The following TUSC3 variants were observed in gnomAD, a reference collection of about 807,000 sequenced individuals.
TUSC3 encodes the protein dolichyl-diphosphooligosaccharide--protein glycosyltransferase subunit TUSC3.
A neutral mutation model predicts 44.8 loss-of-function variants in TUSC3; 45 were observed. The ratio of observed to expected loss-of-function variants is 1.00; its 90% CI spans 0.79 to 1.29. The LOEUF is 1.29. Ranked by LOEUF, TUSC3 falls within the 50% of genes most tolerant of loss-of-function variation. The pLI is 0.00. For missense variants in TUSC3, 519 were observed against 437.9 expected (o/e 1.19, Z -1.65); for synonymous variants, 212 against 152.9 (o/e 1.39, Z -2.85).
chr8:15,588,449 C>G (rs1049008261), intron 1 of TUSC3, among the ~76,000 whole-genome samples: 2 of 152,038 alleles, frequency 1.3e-5, no homozygotes, highest in Non-Finnish European at 2.9e-5. Context: ...CTTGTATATT[C>G]TGGATATTCG....
At chr8:15,492,512 C>T (rs914848692) in intron 2 of TUSC3, among the ~76,000 whole-genome samples, 2 of 151,964 alleles carry the variant, frequency 1.3e-5, no homozygotes, top group African/African-American at 4.8e-5. Flanking sequence ...TTAAGACTGC[C>T]CCAAGACTGA....
chr8:15,524,888 T>G (rs925555528), intron 2 of TUSC3, among the ~76,000 whole-genome samples: 1 of 152,198 alleles, frequency 6.6e-6, no homozygotes, highest in Non-Finnish European at 1.5e-5. Flanking sequence ...ACACTGTCAC[T>G]CTTCTGTAAC....
chr8:15,629,307 T>C (rs1805653210), intron 2 of TUSC3, among the ~76,000 whole-genome samples: 1 of 152,190 alleles, frequency 6.6e-6, no homozygotes, highest in South Asian at 2.1e-4. Context: ...TGTTAAGTAA[T>C]TGTGGTAGAG....
In TUSC3 at chr8:15,489,784, G is replaced by A. The variant is rs546905597; in HGVS notation, n.189+6301G>A. 2.4e-4 allele frequency among the ~76,000 whole-genome samples: 36 copies of A among 152,266 alleles called. No individual in the cohort carries two copies. In the South Asian group the frequency reaches 2.9e-3, roughly 12 times the overall value. On this transcript the variant is annotated intron_variant and non_coding_transcript_variant, in intron 2 of 5. Transcript: ENST00000503191. The stretch of plus-strand genomic sequence containing the variant: ...GCATGTCTGACCCTCTCTTCCCATC[G>A]TGGCCTAAAATAGTTTTTCAGGTTT...
At chr8:15,766,908 G>A (rs983003757), downstream of TUSC3, among the ~76,000 whole-genome samples, 17 of 152,020 alleles carry the variant, frequency 1.1e-4, no homozygotes, top group Non-Finnish European at 2.2e-4. Flanking sequence ...TGGTCACTGG[G>A]GCGAACACAT....
At chr8:15,648,619 G>A (rs554591483) in intron 2 of TUSC3, among the ~76,000 whole-genome samples, 1 of 150,226 alleles carries the variant, frequency 6.7e-6, no homozygotes, top group Non-Finnish European at 1.5e-5. Context: ...CCAGCTACTC[G>A]GGAGGCTGAG....
chr8:15,662,793 G>C (rs141455429), intron 5 of TUSC3, among the ~76,000 whole-genome samples: 83 of 152,090 alleles, frequency 5.5e-4, no homozygotes, highest in African/African-American at 1.9e-3. Context: ...GTAAGGTTAT[G>C]TGTGCTATGA....
At chr8:15,473,856 A>C (rs1307253798) in intron 1 of TUSC3, among the ~76,000 whole-genome samples, 1 of 152,184 alleles carries the variant, frequency 6.6e-6, no homozygotes, top group Non-Finnish European at 1.5e-5. Flanking sequence ...CTTGATAAAC[A>C]TCTTAAACAA....
At chr8:15,731,026 TC>T (rs1319227089) in intron 7 of TUSC3, among the ~76,000 whole-genome samples, 1 of 152,066 alleles carries the variant, frequency 6.6e-6, no homozygotes, top group Non-Finnish European at 1.5e-5. Flanking sequence ...ATATGGCTTT[TC>T]CGTATAGCAT....
At chr8:15,640,307 A>G (rs953718660) in intron 2 of TUSC3, among the ~76,000 whole-genome samples, 1 of 152,060 alleles carries the variant, frequency 6.6e-6, no homozygotes, top group African/African-American at 2.4e-5. Context: ...ACTGTTGGAA[A>G]CTTATCTGGT....
At chr8:15,787,554 C>G in the TUSC3 span, among the ~76,000 whole-genome samples, 1 of 152,088 alleles carries the variant, frequency 6.6e-6, no homozygotes, top group Admixed American at 6.6e-5. Context: ...AATAATAAGA[C>G]CAGTACCAGT....
intron 5 of TUSC3, among the ~76,000 whole-genome samples, chr8:15,671,056 A>T (rs538915411): frequency 6.6e-6 from 1 of 152,112 alleles, no homozygotes; most frequent in East Asian, 1.9e-4. Context: ...AAAGATGGAT[A>T]TCAAGTGGAT....
intron 1 of TUSC3, among the ~76,000 whole-genome samples, chr8:15,459,940 A>G (rs1218573671): frequency 6.6e-6 from 1 of 151,966 alleles, no homozygotes; most frequent in Non-Finnish European, 1.5e-5. Context: ...TCATTGATTG[A>G]TGGGCATTTG....
intron 2 of TUSC3, among the ~76,000 whole-genome samples, chr8:15,634,391 A>G (rs997346181): frequency 2.6e-5 from 4 of 152,164 alleles, no homozygotes; most frequent in Admixed American, 1.3e-4. Flanking sequence ...TTTATTGACT[A>G]TGCCACTAGC....
At chr8:15,549,981 C>A (rs1411256365) in intron 1 of TUSC3, among the ~76,000 whole-genome samples, 9 of 151,788 alleles carry the variant, frequency 5.9e-5, no homozygotes, top group African/African-American at 2.2e-4. Context: ...CCTTTAAGGG[C>A]TTACAACTCT....
At chr8:15,820,714 T>C in the TUSC3 span, among the ~76,000 whole-genome samples, 1 of 152,190 alleles carries the variant, frequency 6.6e-6, no homozygotes, top group Admixed American at 6.5e-5. Flanking sequence ...ACTCTTCCTA[T>C]TTTCTGAAAA....
At chr8:15,575,479 C>T (rs1803062019) in intron 1 of TUSC3, among the ~76,000 whole-genome samples, 1 of 152,046 alleles carries the variant, frequency 6.6e-6, no homozygotes, top group African/African-American at 2.4e-5. Flanking sequence ...AAAAATTCTT[C>T]TGAGGGCTGG....
Position 15,571,753 on chromosome 8 carries a change from T to C in TUSC3, c.138+31185T>C, listed in dbSNP as rs982976053. 2.0e-5 allele frequency among the ~76,000 whole-genome samples: 3 copies of C among 152,172 alleles called. No individual in the cohort carries two copies. In the South Asian group the frequency reaches 6.2e-4, roughly 32 times the overall value. On this transcript the variant is annotated intron_variant, in intron 1 of 10. Coordinates refer to ENST00000503731, the MANE Select transcript of TUSC3 (RefSeq NM_006765.4). Reference sequence around the variant, plus strand: ...CTTTTTGCAAAATTGGAGTCTGTCCTCTCAAACCCTGCCACTGCTCTATCA... The same window carrying C: ...CTTTTTGCAAAATTGGAGTCTGTCCCCTCAAACCCTGCCACTGCTCTATCA...
chr8:15,726,294 A>G (rs1399416667), intron 6 of TUSC3, among the ~76,000 whole-genome samples: 1 of 152,158 alleles, frequency 6.6e-6, no homozygotes, highest in African/African-American at 2.4e-5. Context: ...AACAAAATAT[A>G]TAATTTTTTA....
Sources: gnomAD v4.1 joint callset for allele counts (sites outside exome capture counted in the v4.1 genomes callset) on GRCh38, gnomAD v4.1.1 for gene constraint, MANE v1.5 for transcripts, NCBI Gene and HGNC (gene_info 2026-07-23, HGNC 2026-07-21) for gene names.